The following TC2N variants were observed in gnomAD, a reference collection of about 807,000 sequenced individuals.
TC2N encodes the protein tandem C2 domains nuclear protein.
In TC2N, 51 loss-of-function variants were observed where a neutral mutation model predicts 61.9. The observed-to-expected ratio is 0.82, with a 90% CI of 0.66 to 1.04. The LOEUF (loss-of-function observed/expected upper bound fraction) is 1.04. TC2N is among the 50% of genes least tolerant of loss of function. TC2N has a pLI of 0.00. For synonymous variants in TC2N, 204 were observed against 192.6 expected (o/e 1.06, Z -0.49); for missense variants, 556 against 566.7 (o/e 0.98, Z 0.19).
At chr14:91,848,029 C>T (rs1376409494) in intron 1 of TC2N, among the ~76,000 whole-genome samples, 2 of 152,202 alleles carry the variant, frequency 1.3e-5, no homozygotes, top group African/African-American at 2.4e-5. Context: ...ATGAATTCCC[C>T]TGGAATGCTC....
chr14:91,835,389 A>G (rs1220572673), intron 1 of TC2N, among the ~76,000 whole-genome samples: 7 of 152,232 alleles, frequency 4.6e-5, no homozygotes, highest in Non-Finnish European at 5.9e-5. Flanking sequence ...CTAATTCTCA[A>G]TATTTTCCAG....
At chr14:91,849,158 A>T (rs149104646) in intron 1 of TC2N, among the ~76,000 whole-genome samples, 1 of 152,194 alleles carries the variant, frequency 6.6e-6, no homozygotes, top group Non-Finnish European at 1.5e-5. Context: ...TTTTAGTCTC[A>T]TCATGAGGAC....
intron 9 of TC2N, among the ~76,000 whole-genome samples, chr14:91,791,416 G>A (rs765395611): frequency 2.9e-4 from 44 of 152,090 alleles, no homozygotes; most frequent in South Asian, 1.9e-3. Context: ...ATTTAAAACC[G>A]CATATAGGTT....
chr14:91,800,669 TA>T (rs1372259661), intron 4 of TC2N, among the ~76,000 whole-genome samples: 2 of 152,094 alleles, frequency 1.3e-5, no homozygotes, highest in East Asian at 3.8e-4. Flanking sequence ...CCAATAAATA[TA>T]ATCTAAGAGT....
In TC2N at chr14:91,792,403, A is replaced by G; in HGVS notation, c.1011T>C (p.Asp337=). The change falls in exon 9 of 12, where the codon GAT becomes GAC. Residue 337 remains aspartate, a synonymous_variant. Coordinates refer to ENST00000435962, the MANE Select transcript of TC2N (RefSeq NM_001128596.3). ...SLRTLSTQEM[D]YSLDITPPSK... is the part of the protein sequence containing the mutation. ...AAGGTGGTGTTATATCCAAAGAGTA[A>G]TCCATTTCCTGTGTGCTAAGGGTTC... 6.2e-7 allele frequency: 1 copy of G among 1,605,804 alleles called. No homozygotes were observed. The highest frequency in any genetic ancestry group is 8.5e-7 in the Non-Finnish European group (1 of 1,175,418).
Position 91,787,524 on chromosome 14 carries a change from G to GGT in TC2N, c.1149_1150dup (p.Pro384HisfsTer3), listed in dbSNP as rs752886001. ...ACTGATATACTTACTCAAAGTCAGA[G>GGT]GTGTTGATGAGCTTGGAAGGTACCG... On this transcript the variant is annotated frameshift_variant, in exon 10 of 12. Transcript: ENST00000435962. LOFTEE classifies it high-confidence loss of function. The GGT allele has an allele frequency of 6.2e-7, 1 of 1,605,040 alleles. No individual in the cohort carries two copies. The highest frequency in any genetic ancestry group is 8.5e-7 in the Non-Finnish European group (1 of 1,174,724).
intron 1 of TC2N, among the ~76,000 whole-genome samples, chr14:91,828,686 TAG>T (rs370003406): frequency 3.9e-5 from 6 of 152,068 alleles, no homozygotes; most frequent in African/African-American, 1.2e-4. Context: ...TCTTACCCAA[TAG>T]AGTTTATCAT....
In TC2N at chr14:91,798,335, A is replaced by T; in HGVS notation, c.702T>A (p.Asn234Lys). The change falls in exon 7 of 12, where the codon AAT becomes AAA. Residue 234 changes from asparagine to lysine, a missense_variant. Physicochemically the swap from Asn to Lys is moderately conservative, Grantham distance 94 (BLOSUM62 0). Coordinates refer to ENST00000435962, the MANE Select transcript of TC2N (RefSeq NM_001128596.3). ...TGATCCAGATCTGTTCTACTGAAGAATTATAAAACAATTTCACATTCAGTC... is the reference window on the plus strand; with the variant it reads ...TGATCCAGATCTGTTCTACTGAAGATTTATAAAACAATTTCACATTCAGTC... ...FGRLNVKLFY[N>K]SSVEQIWITV... 1 of 1,593,798 alleles carries T rather than the reference A, an allele frequency of 6.3e-7. No individual in the cohort carries two copies. The highest frequency in any genetic ancestry group is 8.6e-7 in the Non-Finnish European group (1 of 1,167,342).
At chr14:91,800,215 A>T in intron 5 of TC2N, 66 bp downstream of exon 5, 2 of 946,948 alleles carry the variant, frequency 2.1e-6, no homozygotes, top group Non-Finnish European at 1.6e-6. Context: ...TGTAATTCAT[A>T]CATTTCTGAA....
chr14:91,838,466 G>GCA (rs1888107432), intron 1 of TC2N, among the ~76,000 whole-genome samples: 1 of 152,206 alleles, frequency 6.6e-6, no homozygotes, highest in Non-Finnish European at 1.5e-5. Context: ...CCTAAGGAGA[G>GCA]CACATCCTTG....
intron 1 of TC2N, among the ~76,000 whole-genome samples, chr14:91,839,071 G>A (rs1888118172): frequency 6.6e-6 from 1 of 152,136 alleles, no homozygotes; most frequent in Non-Finnish European, 1.5e-5. Context: ...ATTACTGTGT[G>A]TATCAATTCT....
chr14:91,863,431 G>A (rs1888633439), intron 1 of TC2N, among the ~76,000 whole-genome samples: 1 of 152,176 alleles, frequency 6.6e-6, no homozygotes, highest in African/African-American at 2.4e-5. Context: ...GTTTCTAAAG[G>A]CAGGGGTAAA....
At chr14:91,852,297 G>A (rs901799538) in intron 1 of TC2N, among the ~76,000 whole-genome samples, 1 of 152,170 alleles carries the variant, frequency 6.6e-6, no homozygotes, top group African/African-American at 2.4e-5. Context: ...CGGGTGTGGT[G>A]GTGCATGCCT....
intron 1 of TC2N, among the ~76,000 whole-genome samples, chr14:91,829,084 A>G (rs944093602): frequency 1.3e-5 from 2 of 151,726 alleles, no homozygotes; most frequent in Admixed American, 6.6e-5. Context: ...TCTAGGCCCT[A>G]AAGTAATGTT....
intron 1 of TC2N, among the ~76,000 whole-genome samples, chr14:91,857,746 C>T (rs1566791437): frequency 6.6e-6 from 1 of 152,142 alleles, no homozygotes; most frequent in South Asian, 2.1e-4. Context: ...GATGTACAGT[C>T]GCCTGAACCA....
intron 1 of TC2N, among the ~76,000 whole-genome samples, chr14:91,838,834 T>C (rs972312830): frequency 6.6e-6 from 1 of 152,224 alleles, no homozygotes; most frequent in Admixed American, 6.5e-5. Context: ...TTGTTTTCCT[T>C]GAAATGGGCC....
chr14:91,849,867 G>A (rs1259975754), intron 1 of TC2N, among the ~76,000 whole-genome samples: 1 of 152,080 alleles, frequency 6.6e-6, no homozygotes, highest in Non-Finnish European at 1.5e-5. Context: ...GGCCAACATG[G>A]TGAAACCCTG....
At chr14:91,811,631 C>A (rs1390292510) in intron 3 of TC2N, among the ~76,000 whole-genome samples, 1 of 151,930 alleles carries the variant, frequency 6.6e-6, no homozygotes, top group Non-Finnish European at 1.5e-5. Flanking sequence ...TGATTACTAA[C>A]CAAATATTAG....
At chr14:91,848,441 T>C (rs911989640) in intron 1 of TC2N, among the ~76,000 whole-genome samples, 3 of 152,326 alleles carry the variant, frequency 2.0e-5, no homozygotes, top group Middle Eastern at 3.4e-3. Flanking sequence ...TCCCCTTTTC[T>C]GGCATCTCCC....
Sources: allele counts gnomAD v4.1 joint callset (sites outside exome capture counted in the v4.1 genomes callset), GRCh38; gene constraint gnomAD v4.1.1; transcripts MANE v1.5; gene names NCBI Gene and HGNC (gene_info 2026-07-23, HGNC 2026-07-21).